KIAA1328: variants seen among roughly 807,000 people sequenced by gnomAD.
KIAA1328 encodes the protein protein hinderin.
In KIAA1328, 52 loss-of-function variants were observed where a neutral mutation model predicts 68.1. That is an observed-to-expected ratio of 0.76 (90% CI 0.61 to 0.96). KIAA1328 has a LOEUF of 0.96. KIAA1328 is among the 40% of genes least tolerant of loss of function. KIAA1328 has a pLI of 0.00. For missense variants in KIAA1328, 641 were observed against 677.6 expected (o/e 0.95, Z 0.60); for synonymous variants, 232 against 239.4 (o/e 0.97, Z 0.28).
At chr18:37,023,240 G>T (rs2054417155) in intron 6 of KIAA1328, among the ~76,000 whole-genome samples, 1 of 151,984 alleles carries the variant, frequency 6.6e-6, no homozygotes, top group Admixed American at 6.6e-5. Context: ...TTTGGGACAG[G>T]GTCTTGCTCT....
At chr18:37,204,639 AG>A (rs2060181423) in intron 9 of KIAA1328, among the ~76,000 whole-genome samples, 1 of 152,164 alleles carries the variant, frequency 6.6e-6, no homozygotes, top group East Asian at 1.9e-4. Flanking sequence ...TATATTTCAA[AG>A]CACAGAGAAA....
Position 37,211,441 on chromosome 18 carries a change from G to A in KIAA1328, c.1524-10576G>A, listed in dbSNP as rs1002231030. On this transcript the variant is annotated intron_variant, in intron 9 of 9. Transcript: ENST00000280020. The stretch of plus-strand genomic sequence containing the variant: ...CTTTCCTTCTGGAGAGACGTAACTG[G>A]GTTCTGGCCAGTCAGATATAAGGAA... Among the ~76,000 whole-genome samples the A allele has an allele frequency of 4.6e-5, 7 of 152,150 alleles. No individual in the cohort carries two copies. In the South Asian group the frequency reaches 1.4e-3, roughly 32 times the overall value.
chr18:36,990,524 A>T (rs1391093108), intron 6 of KIAA1328, among the ~76,000 whole-genome samples: 1 of 151,950 alleles, frequency 6.6e-6, no homozygotes, highest in Non-Finnish European at 1.5e-5. Context: ...AAATGCAAAA[A>T]TTAACTGGGC....
At chr18:37,082,036 G>A (rs549341922) in intron 7 of KIAA1328, among the ~76,000 whole-genome samples, 2 of 152,164 alleles carry the variant, frequency 1.3e-5, no homozygotes, top group African/African-American at 4.8e-5. Context: ...AAAACTCTAT[G>A]TGAGGAGTAT....
chr18:36,841,557 A>G (rs1177537154), intron 3 of KIAA1328, among the ~76,000 whole-genome samples: 1 of 152,020 alleles, frequency 6.6e-6, no homozygotes, highest in Non-Finnish European at 1.5e-5. Context: ...CCTGAACTTT[A>G]TAATTCTTTT....
At chr18:37,199,282 G>A (rs932453433) in intron 9 of KIAA1328, among the ~76,000 whole-genome samples, 7 of 152,072 alleles carry the variant, frequency 4.6e-5, no homozygotes, top group Admixed American at 4.6e-4. Context: ...CCTAGTGTGT[G>A]TTGTTCCCCT....
At chr18:36,922,187 G>GT (rs1199315927) in intron 5 of KIAA1328, among the ~76,000 whole-genome samples, 8 of 152,094 alleles carry the variant, frequency 5.3e-5, no homozygotes, top group Non-Finnish European at 1.2e-4. Flanking sequence ...CTATTCTTAG[G>GT]TTTTTCCAAG....
intron 9 of KIAA1328, among the ~76,000 whole-genome samples, chr18:37,189,161 G>A (rs1227450950): frequency 6.6e-6 from 1 of 152,166 alleles, no homozygotes; most frequent in Non-Finnish European, 1.5e-5. Flanking sequence ...TACTAGGACT[G>A]TTTCATTAGC....
chr18:36,875,607 C>A (rs978052869), intron 4 of KIAA1328, among the ~76,000 whole-genome samples: 2 of 152,178 alleles, frequency 1.3e-5, no homozygotes, highest in Non-Finnish European at 2.9e-5. Flanking sequence ...ATCCTGTCAT[C>A]TGCAAACAGA....
At chr18:36,902,817 C>T (rs2049087556) in intron 5 of KIAA1328, among the ~76,000 whole-genome samples, 1 of 152,068 alleles carries the variant, frequency 6.6e-6, no homozygotes, top group South Asian at 2.1e-4. Flanking sequence ...GCTGTGGGGA[C>T]TCTTTGGCAT....
intron 4 of KIAA1328, among the ~76,000 whole-genome samples, chr18:36,847,765 C>T (rs967003844): frequency 1.3e-5 from 2 of 151,334 alleles, no homozygotes; most frequent in African/African-American, 4.8e-5. Context: ...CAATTTTTTC[C>T]TTTTGTGGTC....
chr18:37,185,805 C>T (rs1310938374), intron 9 of KIAA1328, among the ~76,000 whole-genome samples: 1 of 151,330 alleles, frequency 6.6e-6, no homozygotes, highest in African/African-American at 2.4e-5. Context: ...GTATGCCCTC[C>T]CCCCCAAAAA....
At position 37,058,361 on chromosome 18, in the gene KIAA1328, G is replaced by A. The variant is rs377405322; in HGVS notation, c.577-8529G>A. ...GATAAGGTTCACAAATATAATGTTA[G>A]ATGAAAGAAGCCAGACACAAAAGAA... On this transcript the variant is annotated intron_variant, in intron 6 of 9. Coordinates refer to ENST00000280020, the MANE Select transcript of KIAA1328 (RefSeq NM_020776.3). Among the ~76,000 whole-genome samples, 5 of 152,138 alleles carry A rather than the reference G, an allele frequency of 3.3e-5. No individual in the cohort carries two copies. The East Asian group carries it at 9.6e-4, about 29-fold the overall frequency.
At chr18:37,170,372 C>G (rs2059476638) in intron 8 of KIAA1328, among the ~76,000 whole-genome samples, 1 of 152,062 alleles carries the variant, frequency 6.6e-6, no homozygotes. Flanking sequence ...ACTTCCTTAT[C>G]TATAAAATAA....
intron 5 of KIAA1328, among the ~76,000 whole-genome samples, chr18:36,939,886 A>C (rs1189127999): frequency 6.6e-6 from 1 of 152,090 alleles, no homozygotes; most frequent in Non-Finnish European, 1.5e-5. Context: ...GCTGTTTTAC[A>C]TGTATATATG....
chr18:37,174,917 C>T (rs565309592), intron 9 of KIAA1328, among the ~76,000 whole-genome samples: 353 of 152,190 alleles, frequency 2.3e-3, no homozygotes, highest in African/African-American at 7.9e-3. Flanking sequence ...ATGATCCGCC[C>T]GCCTTGGCCT....
At chr18:36,948,068 C>T (rs954119098) in intron 5 of KIAA1328, among the ~76,000 whole-genome samples, 4 of 152,028 alleles carry the variant, frequency 2.6e-5, no homozygotes, top group Non-Finnish European at 4.4e-5. Flanking sequence ...GGAATGCCCT[C>T]GGCCAAGAGC....
At chr18:36,902,717 C>A (rs2049084431) in intron 5 of KIAA1328, among the ~76,000 whole-genome samples, 1 of 151,996 alleles carries the variant, frequency 6.6e-6, no homozygotes, top group Non-Finnish European at 1.5e-5. Flanking sequence ...CAGGGAAACA[C>A]AATTACCACC....
At chr18:36,870,331 A>G (rs965418236) in intron 4 of KIAA1328, among the ~76,000 whole-genome samples, 4 of 152,192 alleles carry the variant, frequency 2.6e-5, no homozygotes, top group Non-Finnish European at 5.9e-5. Flanking sequence ...TTAATCTAAG[A>G]TACTGGTATA....
Sources: gnomAD v4.1 joint callset for allele counts (sites outside exome capture counted in the v4.1 genomes callset) on GRCh38, gnomAD v4.1.1 for gene constraint, MANE v1.5 for transcripts, NCBI Gene and HGNC (gene_info 2026-07-23, HGNC 2026-07-21) for gene names.